The following YME1L1 variants were observed in gnomAD, a reference collection of about 807,000 sequenced individuals.
The protein encoded by YME1L1 is YME1 like 1 ATPase.
Under a neutral mutation model 90.4 loss-of-function variants are expected in YME1L1, and 39 were observed. The observed-to-expected ratio is 0.43, with a 90% CI of 0.33 to 0.56. The LOEUF (loss-of-function observed/expected upper bound fraction) is 0.56, where lower values mean the gene tolerates loss of function less well. Among genes scored for constraint, YME1L1 ranks in the 20% least tolerant of loss-of-function variants. The pLI, the probability that YME1L1 is intolerant of heterozygous loss-of-function variation, is 0.03. For synonymous variants in YME1L1, 284 were observed against 287.3 expected (o/e 0.99, Z 0.12); for missense variants, 617 against 868.4 (o/e 0.71, Z 3.64).
chr10:27,143,699 TA>T (rs10671752), intron 3 of YME1L1, among the ~76,000 whole-genome samples: 96 of 134,272 alleles, frequency 7.1e-4, no homozygotes, highest in Middle Eastern at 3.8e-3. Context: ...CTCGTCTCTT[TA>T]AAAAAAAAAA....
chr10:27,148,812 T>C, intron 2 of YME1L1, 94 bp downstream of exon 2: 1 of 1,520,616 alleles, frequency 6.6e-7, no homozygotes, highest in Non-Finnish European at 8.9e-7. Context: ...AATTTTTGAC[T>C]ACGGGGGAGG....
At position 27,154,163 on chromosome 10, in the gene YME1L1, G is replaced by C. The variant is rs774251025; in HGVS notation, c.33+15C>G. 3.8e-6 allele frequency: 6 copies of C among 1,585,528 alleles called. No homozygotes were observed. The South Asian group carries it at 5.7e-5, about 15-fold the overall frequency. On this transcript the variant is annotated intron_variant, in intron 1 of 18. Transcript: ENST00000376016. ...AGGGCGGGAGGAAAAAAAATGGGCTGAATGCCTGGCTTACCTGGGGTTGCA... is the reference window on the plus strand; with the variant it reads ...AGGGCGGGAGGAAAAAAAATGGGCTCAATGCCTGGCTTACCTGGGGTTGCA...
Position 27,136,282 on chromosome 10 carries a change from G to C in YME1L1, c.534C>G (p.Phe178Leu). 1 of 1,610,734 alleles carries C rather than the reference G, an allele frequency of 6.2e-7. No homozygotes were observed. Among genetic ancestry groups the C allele is most frequent in the Non-Finnish European group, 8.5e-7 (1 of 1,178,944 alleles). Residue 178 changes from phenylalanine (F) to leucine (L), a missense_variant, in exon 5 of 19, where the codon TTC (phenylalanine) becomes TTG (leucine). Phe to Leu is a conservative substitution (Grantham distance 22). This residue lies in a region of YME1L1 where 311 missense variants were observed against 335.8 expected (regional missense o/e 0.93). Transcript: ENST00000376016. ...LAETQNIAPS[F>L]VKGFLLRDRG... ...CATAAAAAGGTCTAATTACCTTCAC[G>C]AATGATGGCGCTATATTCTGTGTTT...
intron 1 of YME1L1, among the ~76,000 whole-genome samples, chr10:27,152,318 T>C (rs1486504235): frequency 2.0e-5 from 3 of 152,230 alleles, no homozygotes; most frequent in Non-Finnish European, 4.4e-5. Flanking sequence ...AAAAGTTCAT[T>C]TTCTGTGTCT....
intron 1 of YME1L1, among the ~76,000 whole-genome samples, chr10:27,151,547 T>A (rs891197465): frequency 6.6e-6 from 1 of 152,206 alleles, no homozygotes; most frequent in Non-Finnish European, 1.5e-5. Flanking sequence ...AATAAATTCG[T>A]GACATACTAA....
chr10:27,130,621 C>T (rs1423030551), intron 8 of YME1L1, among the ~76,000 whole-genome samples: 1 of 152,094 alleles, frequency 6.6e-6, no homozygotes, highest in African/African-American at 2.4e-5. Context: ...GCACTTTGAT[C>T]TGCGTGGATC....
intron 5 of YME1L1, 67 bp downstream of exon 5, chr10:27,136,209 T>C (rs1420482185): frequency 7.9e-7 from 1 of 1,259,262 alleles, no homozygotes; most frequent in African/African-American, 1.5e-5. Context: ...AGAAATCAGA[T>C]ATTGAAGCTC....
intron 6 of YME1L1, among the ~76,000 whole-genome samples, chr10:27,134,358 A>G (rs1227287113): frequency 6.6e-6 from 1 of 152,200 alleles, no homozygotes; most frequent in Non-Finnish European, 1.5e-5. Flanking sequence ...TCAAGGCAGG[A>G]GGATCACTTG....
intron 8 of YME1L1, among the ~76,000 whole-genome samples, chr10:27,131,511 T>C (rs993086878): frequency 4.6e-5 from 7 of 152,196 alleles, no homozygotes; most frequent in African/African-American, 1.7e-4. Context: ...TTATTAAATA[T>C]CTACTATGTG....
intron 4 of YME1L1, among the ~76,000 whole-genome samples, chr10:27,138,966 T>C (rs1436677421): frequency 1.3e-5 from 2 of 152,178 alleles, no homozygotes; most frequent in African/African-American, 4.8e-5. Context: ...TGTCTTTTTA[T>C]CATACATTGA....
intron 4 of YME1L1, among the ~76,000 whole-genome samples, chr10:27,138,997 C>A (rs546169667): frequency 1.3e-5 from 2 of 151,890 alleles, no homozygotes; most frequent in African/African-American, 4.8e-5. Context: ...TTTTTCTTTT[C>A]TAATCAATAT....
chr10:27,112,368 A>T (rs2135832461), intron 18 of YME1L1, among the ~76,000 whole-genome samples: 2 of 152,274 alleles, frequency 1.3e-5, no homozygotes, highest in South Asian at 4.1e-4. Context: ...CCTTTCCATC[A>T]TACAAACTTT....
chr10:27,139,943 TTGTG>T (rs1381179936), intron 4 of YME1L1, among the ~76,000 whole-genome samples: 2 of 152,212 alleles, frequency 1.3e-5, no homozygotes, highest in African/African-American at 2.4e-5. Context: ...AATGTTTGCT[TTGTG>T]TGTATTAATT....
chr10:27,132,979 C>T (rs2056991987), intron 7 of YME1L1, among the ~76,000 whole-genome samples: 1 of 152,106 alleles, frequency 6.6e-6, no homozygotes, highest in Admixed American at 6.6e-5. Context: ...ATAAAACTCA[C>T]TTGAGAAGTA....
Position 27,148,911 on chromosome 10 carries a change from T to C in YME1L1, c.163A>G (p.Ser55Gly), listed in dbSNP as rs1290526896. 6.2e-7 allele frequency: 1 copy of C among 1,613,926 alleles called. No individual in the cohort carries two copies. Among genetic ancestry groups the C allele is most frequent in the African/African-American group, 1.3e-5 (1 of 75,054 alleles). Residue 55 changes from serine to glycine, a missense_variant, in exon 2 of 19, where the codon AGT becomes GGT. Physicochemically the swap from Ser to Gly is moderately conservative, Grantham distance 56. This residue lies in a region of YME1L1 where 311 missense variants were observed against 335.8 expected (regional missense o/e 0.93). Transcript: ENST00000376016. ...DVVPEHEAPS[S>G]EPSLNLRDLG... ...CAACCAGGATAAAGACTTACCTCAC[T>C]GCTGGGAGCCTCATGCTCAGGAACT...
At chr10:27,131,772 G>A in intron 8 of YME1L1, 87 bp downstream of exon 8, 1 of 983,168 alleles carries the variant, frequency 1.0e-6, no homozygotes, top group Non-Finnish European at 1.5e-6. Context: ...ACCTATTCTA[G>A]AATACACTGT....
At chr10:27,129,718 TAAAAA>T (rs10586020) in intron 8 of YME1L1, among the ~76,000 whole-genome samples, 12,381 of 146,498 alleles carry the variant, frequency 0.085, 713 homozygotes, top group East Asian at 0.29. Flanking sequence ...AAAGATAAAA[TAAAAA>T]AAAAAAATCA....
chr10:27,117,750 A>C (rs1368744549), intron 14 of YME1L1, 23 bp from the exon 15 acceptor site: 2 of 1,608,326 alleles, frequency 1.2e-6, no homozygotes, highest in Non-Finnish European at 8.5e-7. Flanking sequence ...TAATTGAGTA[A>C]ATACTCCATT....
intron 1 of YME1L1, chr10:27,153,142 C>A (rs1305191194): frequency 2.1e-6 from 1 of 468,082 alleles, no homozygotes; most frequent in African/African-American, 2.0e-5. Context: ...GCCTGTGATA[C>A]CTGTTCACTC....
Sources: allele counts gnomAD v4.1 joint callset (sites outside exome capture counted in the v4.1 genomes callset), GRCh38; gene constraint gnomAD v4.1.1; regional missense constraint gnomAD v4.1.1; transcripts MANE v1.5; gene names NCBI Gene and HGNC (gene_info 2026-07-23, HGNC 2026-07-21).